ROBO2: variants seen among roughly 807,000 people sequenced by gnomAD.
The protein encoded by ROBO2 is roundabout guidance receptor 2, also known as roundabout homolog 2.
A neutral mutation model predicts 160.8 loss-of-function variants in ROBO2; 53 were observed. That is an observed-to-expected ratio of 0.33 (90% CI 0.26 to 0.41). ROBO2 has a LOEUF of 0.41. Ranked by LOEUF, ROBO2 falls within the 10% of genes least tolerant of loss-of-function variation. The pLI is 1.00. For synonymous variants in ROBO2, 664 were observed against 611.7 expected, an observed-to-expected ratio of 1.09 and a Z score of -1.26; for missense variants, 1,577 against 1,722.4, an observed-to-expected ratio of 0.92 and a Z score of 1.49.
chr3:76,283,106 T>A (rs1389392889), intron 2 of ROBO2, among the ~76,000 whole-genome samples: 2 of 38,514 alleles, frequency 5.2e-5, no homozygotes, highest in Non-Finnish European at 1.5e-4. Context: ...TAAATAAATA[T>A]AATAGTTATA....
At chr3:76,620,537 T>G (rs966388498) in intron 2 of ROBO2, among the ~76,000 whole-genome samples, 3 of 152,188 alleles carry the variant, frequency 2.0e-5, no homozygotes, top group African/African-American at 7.2e-5. Context: ...CATAGAAATA[T>G]AAAATTAGGG....
chr3:77,596,985 G>A (rs1313106192), intron 19 of ROBO2, among the ~76,000 whole-genome samples: 1 of 151,888 alleles, frequency 6.6e-6, no homozygotes, highest in Non-Finnish European at 1.5e-5. Flanking sequence ...TACTAACCAA[G>A]ATGATAAATA....
At chr3:76,845,219 T>C (rs951282227) in intron 2 of ROBO2, among the ~76,000 whole-genome samples, 2 of 151,988 alleles carry the variant, frequency 1.3e-5, no homozygotes, top group African/African-American at 4.8e-5. Flanking sequence ...CGTCAATTTT[T>C]GGTTAAGAAA....
At chr3:77,358,481 G>A (rs541057456) in intron 2 of ROBO2, among the ~76,000 whole-genome samples, 1 of 152,254 alleles carries the variant, frequency 6.6e-6, no homozygotes, top group South Asian at 2.1e-4. Context: ...ACTTCAACAT[G>A]TCTTTCTGTG....
Position 76,963,910 on chromosome 3 carries a change from G to A in ROBO2, c.110-134104G>A, listed in dbSNP as rs979722440. 4.0e-5 allele frequency among the ~76,000 whole-genome samples: 6 copies of A among 151,250 alleles called. No homozygotes were observed. The South Asian group carries it at 1.3e-3, about 32-fold the overall frequency. On this transcript the variant is annotated intron_variant, in intron 2 of 26. Coordinates refer to the ROBO2 transcript ENST00000487694. ...AAAGAAAATGAAAAAGAAAAGAAAG[G>A]AAAGCCAAAAGGGGTTTAGTTTCTG...
chr3:77,558,093 A>G (rs2093188609), exon 9 of ROBO2: 2 of 1,613,086 alleles, frequency 1.2e-6, no homozygotes, highest in Non-Finnish European at 1.7e-6. Context: ...TTTTCCGGGT[A>G]GAGATCCAAG....
chr3:76,053,740 T>C (rs935000637), intron 2 of ROBO2, among the ~76,000 whole-genome samples: 4 of 152,106 alleles, frequency 2.6e-5, no homozygotes, highest in Admixed American at 6.6e-5. Flanking sequence ...CCATCTTTTT[T>C]ATTTTGGAGA....
chr3:76,324,933 C>T lies in ROBO2; in HGVS notation c.109+387331C>T, dbSNP rs550499682. ...CATCCTGGCTAACACGGTGAAACCCCGTCTCTAATAAAAATACAAAAAATT... is the reference window on the plus strand; with the variant it reads ...CATCCTGGCTAACACGGTGAAACCCTGTCTCTAATAAAAATACAAAAAATT... On this transcript the variant is annotated intron_variant, in intron 2 of 26. Transcript: ENST00000487694. 9.9e-5 allele frequency among the ~76,000 whole-genome samples: 15 copies of T among 152,192 alleles called. No homozygotes were observed. The South Asian group carries it at 2.5e-3, about 25-fold the overall frequency.
chr3:76,862,031 A>G (rs1313276312), intron 2 of ROBO2, among the ~76,000 whole-genome samples: 1 of 152,092 alleles, frequency 6.6e-6, no homozygotes, highest in Non-Finnish European at 1.5e-5. Context: ...CATCTCTTCT[A>G]TAAGTTCTGG....
intron 2 of ROBO2, among the ~76,000 whole-genome samples, chr3:76,525,083 T>TAG (rs1400445195): frequency 6.6e-6 from 1 of 151,650 alleles, no homozygotes; most frequent in African/African-American, 2.4e-5. Context: ...TTTGCTTTTC[T>TAG]CTGTTAGACT....
chr3:77,009,175 C>T (rs2061736627), intron 2 of ROBO2, among the ~76,000 whole-genome samples: 1 of 152,184 alleles, frequency 6.6e-6, no homozygotes, highest in Non-Finnish European at 1.5e-5. Flanking sequence ...AGACGTGACA[C>T]ATAAATTGTA....
chr3:76,352,339 C>G (rs1047123978), intron 2 of ROBO2, among the ~76,000 whole-genome samples: 8 of 151,978 alleles, frequency 5.3e-5, no homozygotes, highest in African/African-American at 1.9e-4. Context: ...CCCCTCGTTC[C>G]TACTGGTTTT....
At chr3:76,208,905 C>T (rs1035438468) in intron 2 of ROBO2, among the ~76,000 whole-genome samples, 7 of 152,090 alleles carry the variant, frequency 4.6e-5, no homozygotes, top group Non-Finnish European at 1.0e-4. Flanking sequence ...GTGTCTGGCT[C>T]CTTTGGTTTC....
intron 1 of ROBO2, among the ~76,000 whole-genome samples, chr3:77,071,948 G>A (rs956799313): frequency 4.6e-5 from 7 of 152,030 alleles, no homozygotes; most frequent in Non-Finnish European, 1.0e-4. Flanking sequence ...CCTGGGCCCC[G>A]GACCAGTACC....
At chr3:77,084,025 C>T (rs1467809392) in intron 1 of ROBO2, among the ~76,000 whole-genome samples, 1 of 152,068 alleles carries the variant, frequency 6.6e-6, no homozygotes, top group African/African-American at 2.4e-5. Flanking sequence ...GAAGAGTAGA[C>T]ATCTAAGGCA....
chr3:76,434,663 G>A, intron 2 of ROBO2: 1 of 1,210,940 alleles, frequency 8.3e-7, no homozygotes, highest in Non-Finnish European at 1.2e-6. Flanking sequence ...TCTGCCATCT[G>A]GACCCTCTGC....
intron 2 of ROBO2, among the ~76,000 whole-genome samples, chr3:77,403,316 T>C (rs1046172758): frequency 2.0e-5 from 3 of 152,160 alleles, no homozygotes; most frequent in African/African-American, 7.2e-5. Flanking sequence ...ATTGAACTTA[T>C]TCTTCTATCT....
rs377131946 is a variant in ROBO2 at position 76,568,638 on chromosome 3, A to G, written c.110-529376A>G. Among the ~76,000 whole-genome samples, 42 of 152,230 alleles carry G rather than the reference A, an allele frequency of 2.8e-4. 2 individuals carry two copies. The highest frequency in any genetic ancestry group is 2.7e-3 in the South Asian group (13 of 4,822). The stretch of plus-strand genomic sequence containing the variant: ...TTTTCTTAAAGAAGGTTTTTATTTC[A>G]TTAAGAGAAATTCTGGTAGTATTTC... On this transcript the variant is annotated intron_variant, in intron 2 of 26. Coordinates refer to the ROBO2 transcript ENST00000487694.
At chr3:76,022,187 C>A (rs1012714525) in intron 2 of ROBO2, among the ~76,000 whole-genome samples, 4 of 151,798 alleles carry the variant, frequency 2.6e-5, no homozygotes, top group Non-Finnish European at 5.9e-5. Flanking sequence ...TCTTCAGGCT[C>A]CACTTCTAAT....
Sources: gnomAD v4.1 joint callset for allele counts (sites outside exome capture counted in the v4.1 genomes callset) on GRCh38, gnomAD v4.1.1 for gene constraint, MANE v1.5 for transcripts, NCBI Gene and HGNC (gene_info 2026-07-23, HGNC 2026-07-21) for gene names.